LNX1: variants seen among roughly 807,000 people sequenced by gnomAD.
LNX1 encodes the protein ligand of numb-protein X 1.
A neutral mutation model predicts 68.4 loss-of-function variants in LNX1; 54 were observed. The ratio of observed to expected loss-of-function variants is 0.79; its 90% CI spans 0.63 to 0.99. LNX1 has a LOEUF of 0.99. LNX1 is among the 50% of genes least tolerant of loss of function. The pLI is 0.00. For synonymous variants in LNX1, 336 were observed against 350.0 expected, an observed-to-expected ratio of 0.96 and a Z score of 0.45; for missense variants, 906 against 926.4, an observed-to-expected ratio of 0.98 and a Z score of 0.29.
chr4:53,498,877 C>G (rs1381545923), intron 4 of LNX1, 34 bp from the exon 5 acceptor site: 1 of 1,513,314 alleles, frequency 6.6e-7, no homozygotes, highest in Admixed American at 1.7e-5. Flanking sequence ...TTTAAGACAC[C>G]CACCCAATGG....
chr4:53,523,908 G>A (rs1299551726), intron 2 of LNX1, among the ~76,000 whole-genome samples: 1 of 152,154 alleles, frequency 6.6e-6, no homozygotes, highest in Non-Finnish European at 1.5e-5. Flanking sequence ...TATAGTCATG[G>A]AATAAGTTGA....
At chr4:53,499,347 C>T (rs563408792) in intron 4 of LNX1, among the ~76,000 whole-genome samples, 2 of 152,126 alleles carry the variant, frequency 1.3e-5, no homozygotes, top group South Asian at 2.1e-4. Context: ...TTTGTGGAGA[C>T]GGAGTTTTGT....
At chr4:53,481,460 G>C (rs1207596363) in intron 7 of LNX1, among the ~76,000 whole-genome samples, 1 of 152,172 alleles carries the variant, frequency 6.6e-6, no homozygotes, top group Non-Finnish European at 1.5e-5. Context: ...ATTTGGCTTA[G>C]GCTAGAAATC....
chr4:53,549,973 G>A (rs991657528), intron 2 of LNX1, among the ~76,000 whole-genome samples: 3 of 152,130 alleles, frequency 2.0e-5, no homozygotes, highest in African/African-American at 7.2e-5. Flanking sequence ...TGTTTAGGGT[G>A]GCCTCCCTAG....
At chr4:53,510,232 G>T (rs1199880198) in intron 2 of LNX1, among the ~76,000 whole-genome samples, 1 of 152,194 alleles carries the variant, frequency 6.6e-6, no homozygotes, top group Non-Finnish European at 1.5e-5. Flanking sequence ...AGCCACAAGA[G>T]TCTAGTTCAC....
chr4:53,527,097 G>C (rs569639055), intron 2 of LNX1, among the ~76,000 whole-genome samples: 1 of 144,498 alleles, frequency 6.9e-6, no homozygotes, highest in African/African-American at 2.5e-5. Context: ...CCTGACCCAA[G>C]CTTGTGTGTA....
At chr4:53,637,082 G>A (rs1217028096) in intron 1 of LNX1, among the ~76,000 whole-genome samples, 1 of 151,892 alleles carries the variant, frequency 6.6e-6, no homozygotes, top group Non-Finnish European at 1.5e-5. Context: ...ACTGCTAAGA[G>A]CATACAGCAT....
Position 53,461,425 on chromosome 4 carries a change from T to C in LNX1, c.2051+10A>G, listed in dbSNP as rs367705327. ...TAATACAAGTATTTTTGATTAGTCA[T>C]TATTATTACCTAATTCTTCCATCAT... is the stretch of plus-strand genomic sequence containing the variant. On this transcript the variant is annotated intron_variant, in intron 10 of 10. Coordinates refer to ENST00000263925, the MANE Select transcript of LNX1 (RefSeq NM_001126328.3). The C allele has an allele frequency of 3.1e-6, 5 of 1,592,332 alleles. No homozygotes were observed. The highest frequency in any genetic ancestry group is 4.3e-6 in the Non-Finnish European group (5 of 1,166,250).
At chr4:53,602,291 C>A (rs1403669820) in intron 2 of LNX1, among the ~76,000 whole-genome samples, 1 of 152,144 alleles carries the variant, frequency 6.6e-6, no homozygotes, top group Non-Finnish European at 1.5e-5. Flanking sequence ...GGGAAAATAC[C>A]TGTGTGAGCA....
chr4:53,595,620 C>G (rs1287787288), upstream of LNX1, among the ~76,000 whole-genome samples: 8 of 152,278 alleles, frequency 5.3e-5, no homozygotes, highest in African/African-American at 1.9e-4. Context: ...CATTAGAAAG[C>G]TTTCTGAACT....
chr4:53,549,248 A>G (rs1247866945), intron 2 of LNX1: 3 of 152,188 alleles, frequency 2.0e-5, no homozygotes, highest in African/African-American at 7.2e-5. Flanking sequence ...GTAAAATTGT[A>G]GTTACATTCA....
chr4:53,565,917 A>G (rs1244413995), intron 2 of LNX1, among the ~76,000 whole-genome samples: 1 of 152,054 alleles, frequency 6.6e-6, no homozygotes, highest in Non-Finnish European at 1.5e-5. Context: ...GATGAAATGA[A>G]TGAAATGAAG....
At chr4:53,625,281 A>G (rs942467367) in intron 1 of LNX1, among the ~76,000 whole-genome samples, 17 of 152,324 alleles carry the variant, frequency 1.1e-4, no homozygotes, top group South Asian at 2.1e-4. Context: ...AAATAAAAAG[A>G]CAAACCATGG....
intron 1 of LNX1, among the ~76,000 whole-genome samples, chr4:53,579,034 A>C (rs1403208783): frequency 6.6e-6 from 1 of 152,218 alleles, no homozygotes; most frequent in Non-Finnish European, 1.5e-5. Context: ...AATGGAGAAG[A>C]AATTATCAAA....
intron 2 of LNX1, among the ~76,000 whole-genome samples, chr4:53,553,431 G>A (rs539331125): frequency 6.6e-6 from 1 of 152,242 alleles, no homozygotes; most frequent in African/African-American, 2.4e-5. Flanking sequence ...CTCCAAATCT[G>A]CATTTTGAAA....
intron 1 of LNX1, among the ~76,000 whole-genome samples, chr4:53,583,155 G>A (rs1469345416): frequency 1.3e-5 from 2 of 152,144 alleles, no homozygotes; most frequent in African/African-American, 4.8e-5. Context: ...AAACTCTTAT[G>A]GCAATTTTAT....
Position 53,461,578 on chromosome 4 carries a change from A to G in LNX1, c.1908T>C (p.Cys636=). 1 of 1,610,910 alleles carries G rather than the reference A, an allele frequency of 6.2e-7. No individual in the cohort carries two copies. The highest frequency in any genetic ancestry group is 1.1e-5 in the South Asian group (1 of 90,836). ...TGTTTCTTCGTAATACAATATCTTT[A>G]CAGTTATACAAGCACCTGAAATAGA... The part of the protein sequence containing the change: ...WLELPRCLYN[C]KDIVLRRNTA... Residue 636 remains cysteine (C), a synonymous_variant, in exon 10 of 11, where the codon TGT becomes TGC. Coordinates refer to ENST00000263925, the MANE Select transcript of LNX1 (RefSeq NM_001126328.3).
intron 1 of LNX1, among the ~76,000 whole-genome samples, chr4:53,647,781 G>GC (rs951307424): frequency 6.6e-6 from 1 of 152,126 alleles, no homozygotes; most frequent in African/African-American, 2.4e-5. Context: ...CTTTCCCTCA[G>GC]CCCCCGGCAA....
intron 4 of LNX1, among the ~76,000 whole-genome samples, chr4:53,502,999 C>T (rs4501281): frequency 0.4 from 59,864 of 151,180 alleles, 12,292 homozygotes; most frequent in South Asian, 0.66. Context: ...GGTGCGATCT[C>T]GGCTCACTGC....
Sources: gnomAD v4.1 joint callset for allele counts (sites outside exome capture counted in the v4.1 genomes callset) on GRCh38, gnomAD v4.1.1 for gene constraint, MANE v1.5 for transcripts, NCBI Gene and HGNC (gene_info 2026-07-23, HGNC 2026-07-21) for gene names.